Variants in ERI3 observed in about 807,000 individuals in gnomAD.
The protein encoded by ERI3 is ERI1 exoribonuclease family member 3.
Under a neutral mutation model 44.4 loss-of-function variants are expected in ERI3, and 18 were observed. That is an observed-to-expected ratio of 0.41 (90% CI 0.28 to 0.60). The LOEUF (loss-of-function observed/expected upper bound fraction) is 0.60, where lower values mean the gene tolerates loss of function less well. Ranked by LOEUF, ERI3 falls within the 20% of genes least tolerant of loss-of-function variation. ERI3 has a pLI of 0.36. For synonymous variants in ERI3, 183 were observed against 164.8 expected, an observed-to-expected ratio of 1.11 and a Z score of -0.84; for missense variants, 294 against 435.5, an observed-to-expected ratio of 0.68 and a Z score of 2.89.
chr1:44,312,191 C>G (rs1366015188), intron 5 of ERI3, among the ~76,000 whole-genome samples: 6 of 152,244 alleles, frequency 3.9e-5, no homozygotes, highest in Non-Finnish European at 8.8e-5. Context: ...CTCCCTGCCA[C>G]TACGCTACTT....
rs997653120 is a variant in ERI3 at position 44,322,231 on chromosome 1, C to T, written c.490-2487G>A. Among the ~76,000 whole-genome samples, 9 of 152,236 alleles carry T rather than the reference C, an allele frequency of 5.9e-5. No individual in the cohort carries two copies. In the East Asian group the frequency reaches 7.7e-4, roughly 13 times the overall value. On this transcript the variant is annotated intron_variant, in intron 3 of 8. Transcript: ENST00000372257. The stretch of plus-strand genomic sequence containing the variant: ...TCTGGAAACTTGGCCTTTGGGTTTC[C>T]GCATTGCAGCAAATAACAGCAAATA...
Position 44,221,549 on chromosome 1 carries a change from C to G in ERI3, c.*9G>C. The stretch of plus-strand genomic sequence containing the variant: ...CTACCCTGTCCTGCCCCATCCTGTC[C>G]TCGGCCAATCAGAACGGCTTCGATG... On this transcript the variant is annotated 3_prime_UTR_variant, in exon 9 of 9. Transcript: ENST00000372257. The surrounding 1 kb of genome is among the most constrained non-coding windows in gnomAD (Gnocchi z 5.9). 1 of 1,613,228 alleles carries G rather than the reference C, an allele frequency of 6.2e-7. No homozygotes were observed. The highest frequency in any genetic ancestry group is 1.7e-4 in the Middle Eastern group (1 of 6,036).
chr1:44,284,849 T>C lies in ERI3; in HGVS notation c.817A>G (p.Ile273Val), dbSNP rs1373813278. The C allele has an allele frequency of 6.2e-7, 1 of 1,613,964 alleles. No homozygotes were observed. Among genetic ancestry groups the C allele is most frequent in the Middle Eastern group, 1.7e-4 (1 of 6,060 alleles). The change falls in exon 7 of 9, where the codon ATT (isoleucine) becomes GTT (valine). Residue 273 changes from isoleucine (I) to valine (V), a missense_variant. By Grantham distance (29) the Ile-to-Val change is conservative. Around this residue, in one of 2 missense-constraint regions of ERI3, gnomAD observed 187 missense variants for 338.6 expected, o/e 0.55. Coordinates refer to ENST00000372257, the MANE Select transcript of ERI3 (RefSeq NM_024066.3). The part of the protein sequence containing the change: ...LPVADYFKQW[I>V]NLKKAYSFAM... Reference sequence around the variant, plus strand: ...AGACACAGTACCTTTTTCAGATTAATCCACTGCTTGAAGTAATCCGCCACT... The same window carrying C: ...AGACACAGTACCTTTTTCAGATTAACCCACTGCTTGAAGTAATCCGCCACT...
intron 7 of ERI3, among the ~76,000 whole-genome samples, chr1:44,253,328 C>A (rs905818054): frequency 1.3e-5 from 2 of 152,178 alleles, no homozygotes; most frequent in Non-Finnish European, 2.9e-5. Flanking sequence ...TCTTGTACTG[C>A]GAGATGGGAT....
intron 3 of ERI3, among the ~76,000 whole-genome samples, chr1:44,334,747 A>G (rs954028697): frequency 2.6e-5 from 4 of 152,218 alleles, no homozygotes; most frequent in African/African-American, 9.7e-5. Flanking sequence ...AAAAATAAAC[A>G]GCAAAACTGA....
At chr1:44,274,268 C>T (rs1645139143) in intron 7 of ERI3, among the ~76,000 whole-genome samples, 1 of 152,200 alleles carries the variant, frequency 6.6e-6, no homozygotes, top group Non-Finnish European at 1.5e-5. Context: ...AAATTTCAGT[C>T]CTGCAATATT....
At chr1:44,271,183 T>C (rs911540900) in intron 7 of ERI3, among the ~76,000 whole-genome samples, 1 of 152,194 alleles carries the variant, frequency 6.6e-6, no homozygotes, top group African/African-American at 2.4e-5. Context: ...TGGCCAATGA[T>C]TGCTTACTGC....
chr1:44,231,836 C>G (rs566911011), intron 8 of ERI3, among the ~76,000 whole-genome samples: 2 of 152,132 alleles, frequency 1.3e-5, no homozygotes, highest in African/African-American at 4.8e-5. Flanking sequence ...GGTAAGTTTG[C>G]TGAAAGGCCT....
In ERI3 at chr1:44,264,345, C is replaced by T. The variant is rs923201083; in HGVS notation, c.832-16307G>A. On this transcript the variant is annotated intron_variant, in intron 7 of 8. Coordinates refer to ENST00000372257, the MANE Select transcript of ERI3 (RefSeq NM_024066.3). ...ACCCGCCCACCCGCACACACCCATC[C>T]GTTCTGCCCCCCTCTTGGCGTGATA... Among the ~76,000 whole-genome samples the T allele has an allele frequency of 3.3e-5, 5 of 152,312 alleles. No individual in the cohort carries two copies. In the East Asian group the frequency reaches 5.8e-4, roughly 18 times the overall value.
intron 7 of ERI3, among the ~76,000 whole-genome samples, chr1:44,276,237 T>C (rs1486030539): frequency 6.6e-6 from 1 of 152,176 alleles, no homozygotes; most frequent in Non-Finnish European, 1.5e-5. Flanking sequence ...AATTTCAACA[T>C]GAGATCTGGA....
At chr1:44,272,696 C>T (rs1406549722) in intron 7 of ERI3, among the ~76,000 whole-genome samples, 3 of 151,980 alleles carry the variant, frequency 2.0e-5, no homozygotes, top group East Asian at 3.9e-4. Flanking sequence ...ACAAAATTAG[C>T]TGGGCATGGT....
chr1:44,273,079 T>C (rs1645119296), intron 7 of ERI3, among the ~76,000 whole-genome samples: 2 of 152,230 alleles, frequency 1.3e-5, no homozygotes, highest in South Asian at 4.1e-4. Flanking sequence ...AAACCACACT[T>C]AGGTACCTTT....
chr1:44,303,398 T>C (rs1557834336), intron 6 of ERI3, among the ~76,000 whole-genome samples: 1 of 152,256 alleles, frequency 6.6e-6, no homozygotes, highest in East Asian at 1.9e-4. Flanking sequence ...TTGTTCTTCC[T>C]GAGCAGAGAT....
At chr1:44,319,550 A>G (rs1284260549) in intron 4 of ERI3, 78 bp downstream of exon 4, 1 of 898,532 alleles carries the variant, frequency 1.1e-6, no homozygotes, top group East Asian at 2.4e-5. Flanking sequence ...TGCTTTCTCT[A>G]AGTGGCCTAT....
In ERI3 at chr1:44,221,461, C is replaced by A. The variant is rs1643896276; in HGVS notation, c.*97G>T. The stretch of plus-strand genomic sequence containing the variant: ...AGCTGGGGACACTCTGGACACAGAG[C>A]TATGCCACTCTCCCTCTTCCCCTCT... On this transcript the variant is annotated 3_prime_UTR_variant, in exon 9 of 9. Transcript: ENST00000372257. This position sits in a 1 kb window ranked among gnomAD's most constrained non-coding sequence, Gnocchi z 5.9. 2.9e-6 allele frequency: 3 copies of A among 1,018,788 alleles called. No individual in the cohort carries two copies. The Admixed American group carries it at 5.6e-5, about 19-fold the overall frequency. The allele number at this position is 1,018,788 out of a possible 1,614,324, so 63.1% of individuals were successfully genotyped here. A position where few individuals can be genotyped will look rare whatever the true frequency, so the allele number is the denominator to read the frequency against.
rs577219123 is a variant in ERI3, at chr1:44,251,255, A to G, written c.832-3217T>C. Among the ~76,000 whole-genome samples the G allele has an allele frequency of 3.9e-5, 6 of 152,358 alleles. No homozygotes were observed. The East Asian group carries it at 1.2e-3, about 29-fold the overall frequency. Reference sequence around the variant, plus strand: ...ACTTTTAAAGCCCATGCCTCTCCCCACAAGATATGCAGGCCATGGAGTGGC... The same window carrying G: ...ACTTTTAAAGCCCATGCCTCTCCCCGCAAGATATGCAGGCCATGGAGTGGC... On this transcript the variant is annotated intron_variant, in intron 7 of 8. Coordinates refer to ENST00000372257, the MANE Select transcript of ERI3 (RefSeq NM_024066.3).
intron 8 of ERI3, among the ~76,000 whole-genome samples, chr1:44,239,221 T>C (rs901850835): frequency 1.3e-5 from 2 of 152,048 alleles, no homozygotes; most frequent in Non-Finnish European, 2.9e-5. Flanking sequence ...AGTAGGTGCT[T>C]ATGTGCAAGA....
Position 44,352,850 on chromosome 1 carries a change from C to T in ERI3, c.211G>A (p.Val71Ile), listed in dbSNP as rs758546359. ...AGLGIFEVRR[V>I]LDASGCSMLA... ...CTTGACCATGCAACAGGATTCTCAC[C>T]TCTCCTTACTTCGAAGATGCCAAGA... Residue 71 changes from valine (V) to isoleucine (I), a missense_variant and splice_region_variant, in exon 2 of 9, where the codon GTT becomes ATT. Physicochemically the swap from Val to Ile is conservative, Grantham distance 29. Around this residue, in one of 2 missense-constraint regions of ERI3, gnomAD observed 107 missense variants for 96.9 expected, o/e 1.10. Coordinates refer to ENST00000372257, the MANE Select transcript of ERI3 (RefSeq NM_024066.3). 1.9e-5 allele frequency: 31 copies of T among 1,614,112 alleles called. No homozygotes were observed. Among genetic ancestry groups the T allele is most frequent in the Non-Finnish European group, 2.6e-5 (31 of 1,180,008 alleles).
Position 44,278,595 on chromosome 1 carries a change from TTTAA to T in ERI3, c.831+6236_831+6239del, listed in dbSNP as rs551832517. Among the ~76,000 whole-genome samples, 585 of 152,330 alleles carry T rather than the reference TTTAA, an allele frequency of 3.8e-3. 1 individual carries two copies. Among genetic ancestry groups the T allele is most frequent in the African/African-American group, 0.013 (538 of 41,578 alleles). On this transcript the variant is annotated intron_variant, in intron 7 of 8. Coordinates refer to ENST00000372257, the MANE Select transcript of ERI3 (RefSeq NM_024066.3). ...AAACATAAAATTTTTCAAGAAAGTT[TTTAA>T]TTAATTAATTTTTTTGAGATGGAGT...
Sources: allele counts gnomAD v4.1 joint callset (sites outside exome capture counted in the v4.1 genomes callset), GRCh38; gene constraint gnomAD v4.1.1; regional missense constraint gnomAD v4.1.1; non-coding constraint Gnocchi (gnomAD v3.1); transcripts MANE v1.5; gene names NCBI Gene and HGNC (gene_info 2026-07-23, HGNC 2026-07-21).